The following LMBRD1 variants were observed in gnomAD, a reference collection of about 807,000 sequenced individuals.
The protein encoded by LMBRD1 is LMBR1 domain containing 1.
LMBRD1 carries 64 observed loss-of-function variants against 74.8 expected under a neutral mutation model. That is an observed-to-expected ratio of 0.86 (90% CI 0.70 to 1.05). The LOEUF (loss-of-function observed/expected upper bound fraction) is 1.05. Among genes scored for constraint, LMBRD1 ranks in the 50% least tolerant of loss-of-function variants. LMBRD1 has a pLI of 0.00. For missense variants in LMBRD1, 652 were observed against 645.9 expected, an observed-to-expected ratio of 1.01 and a Z score of -0.10; for synonymous variants, 204 against 216.3, an observed-to-expected ratio of 0.94 and a Z score of 0.50.
chr6:69,705,454 C>T (rs771368376), intron 9 of LMBRD1: 29 of 1,326,360 alleles, frequency 2.2e-5, no homozygotes, highest in Non-Finnish European at 3.1e-5. Context: ...GAACTAGGTC[C>T]TTTTGGTGTT....
At chr6:69,780,637 T>C in intron 2 of LMBRD1, 83 bp from the exon 3 acceptor site, 1 of 956,056 alleles carries the variant, frequency 1.0e-6, no homozygotes, top group Non-Finnish European at 1.7e-6. Context: ...TACGACTGAA[T>C]ATCACTTCCA....
chr6:69,707,969 A>G (rs1766298223), intron 9 of LMBRD1, among the ~76,000 whole-genome samples: 1 of 152,220 alleles, frequency 6.6e-6, no homozygotes, highest in Non-Finnish European at 1.5e-5. Context: ...AGACTGAGGC[A>G]TATATATTTT....
intron 3 of LMBRD1, among the ~76,000 whole-genome samples, chr6:69,773,828 T>C (rs1765626353): frequency 1.3e-5 from 2 of 152,178 alleles, no homozygotes; most frequent in Non-Finnish European, 1.5e-5. Context: ...TCATCAACAC[T>C]AGCATGGATA....
At chr6:69,732,471 A>G (rs1263808682) in intron 7 of LMBRD1, among the ~76,000 whole-genome samples, 1 of 152,164 alleles carries the variant, frequency 6.6e-6, no homozygotes, top group Non-Finnish European at 1.5e-5. Context: ...CATGAGAAAT[A>G]AATGTTTGTT....
chr6:69,788,572 C>G (rs142933632), intron 2 of LMBRD1, among the ~76,000 whole-genome samples: 1 of 151,148 alleles, frequency 6.6e-6, no homozygotes, highest in Non-Finnish European at 1.5e-5. Flanking sequence ...AGAAAATGAC[C>G]TCATAATGTT....
Position 69,790,360 on chromosome 6 carries a change from G to A in LMBRD1, c.182C>T (p.Ser61Leu), listed in dbSNP as rs1582168249. 2.5e-6 allele frequency: 4 copies of A among 1,613,514 alleles called. No homozygotes were observed. The highest frequency in any genetic ancestry group is 3.3e-4 in the Middle Eastern group (2 of 6,056). ...IFSLAIALIT[S>L]ALLPVDIFLV... ...AAATATATCCACTGGTAGAAGTGCT[G>A]ATGTGATAAGTGCAATTGCTAGAGA... The change falls in exon 2 of 16, where the codon TCA becomes TTA. Residue 61 changes from serine (S) to leucine (L), a missense_variant. Physicochemically the swap from Ser to Leu is moderately radical, Grantham distance 145 (BLOSUM62 -2). Around this residue, in one of 3 missense-constraint regions of LMBRD1, gnomAD observed 598 missense variants for 581.8 expected, o/e 1.03. Coordinates refer to ENST00000649934, the MANE Select transcript of LMBRD1 (RefSeq NM_018368.4).
At chr6:69,787,516 G>A (rs1239514804) in intron 2 of LMBRD1, among the ~76,000 whole-genome samples, 3 of 152,122 alleles carry the variant, frequency 2.0e-5, no homozygotes, top group Non-Finnish European at 4.4e-5. Flanking sequence ...AGGCCAAGAC[G>A]GGTGGATCAC....
At chr6:69,778,486 C>T (rs958827569) in intron 3 of LMBRD1, among the ~76,000 whole-genome samples, 5 of 152,142 alleles carry the variant, frequency 3.3e-5, no homozygotes, top group African/African-American at 7.2e-5. Flanking sequence ...AAGTCTTTTG[C>T]GAACTTAATT....
chr6:69,749,565 G>T (rs902421251), intron 4 of LMBRD1, among the ~76,000 whole-genome samples, 157 bp from the exon 5 acceptor site: 10 of 151,566 alleles, frequency 6.6e-5, no homozygotes, highest in Admixed American at 5.3e-4. Context: ...AAGAAAACAG[G>T]TATACTACAT....
chr6:69,690,366 C>T (rs184771428), intron 14 of LMBRD1, among the ~76,000 whole-genome samples: 2 of 152,138 alleles, frequency 1.3e-5, no homozygotes, highest in South Asian at 4.1e-4. Context: ...CTAAACTCTA[C>T]ATTCTCCCTC....
At chr6:69,712,361 T>G (rs868027497) in intron 9 of LMBRD1, among the ~76,000 whole-genome samples, 1 of 151,980 alleles carries the variant, frequency 6.6e-6, no homozygotes, top group African/African-American at 2.4e-5. Flanking sequence ...TAATTTTCCA[T>G]GTCAAATAAT....
chr6:69,708,189 C>A (rs1370140996), intron 9 of LMBRD1, among the ~76,000 whole-genome samples: 1 of 152,080 alleles, frequency 6.6e-6, no homozygotes, highest in Non-Finnish European at 1.5e-5. Flanking sequence ...TAATGAACAT[C>A]AGACTGTAGG....
rs1036231485 is a variant in LMBRD1 at position 69,719,713 on chromosome 6, T to C, written c.637-632A>G. ...TAATATAATCATTAATAATACTTAA[T>C]GGCATCTGCTACATAACCATTATTC... On this transcript the variant is annotated intron_variant, in intron 7 of 15. Transcript: ENST00000649934. Among the ~76,000 whole-genome samples the C allele has an allele frequency of 6.6e-5, 10 of 152,344 alleles. No homozygotes were observed. The South Asian group carries it at 8.3e-4, about 13-fold the overall frequency.
At chr6:69,795,337 G>A (rs1003482508) in intron 1 of LMBRD1, among the ~76,000 whole-genome samples, 7 of 151,970 alleles carry the variant, frequency 4.6e-5, no homozygotes, top group African/African-American at 1.7e-4. Context: ...CAATATTGTT[G>A]TCTATTCTCT....
Position 69,713,062 on chromosome 6 carries a change from A to G in LMBRD1, c.915+583T>C, listed in dbSNP as rs139383683. Among the ~76,000 whole-genome samples the G allele has an allele frequency of 4.8e-3, 726 of 152,286 alleles. 8 individuals are homozygous for G. The highest frequency in any genetic ancestry group is 0.017 in the Middle Eastern group (5 of 294). Reference sequence around the variant, plus strand: ...CATAAAAGTGGGAGGAAACACCAGTATGGTAAAGCATGAAAACAAAAATGT... The same window carrying G: ...CATAAAAGTGGGAGGAAACACCAGTGTGGTAAAGCATGAAAACAAAAATGT... On this transcript the variant is annotated intron_variant, in intron 9 of 15. Transcript: ENST00000649934.
At chr6:69,685,845 C>T (rs902697441) in intron 14 of LMBRD1, among the ~76,000 whole-genome samples, 5 of 151,948 alleles carry the variant, frequency 3.3e-5, no homozygotes, top group African/African-American at 1.2e-4. Flanking sequence ...TTTGCAATCT[C>T]GGTTTCACAA....
intron 13 of LMBRD1, among the ~76,000 whole-genome samples, chr6:69,698,010 T>C (rs1436704854): frequency 2.0e-5 from 3 of 151,998 alleles, no homozygotes; most frequent in African/African-American, 7.2e-5. Flanking sequence ...CACAGAAGGA[T>C]GTTTAATAAG....
intron 3 of LMBRD1, among the ~76,000 whole-genome samples, chr6:69,764,859 T>C (rs1765446072): frequency 6.6e-6 from 1 of 152,122 alleles, no homozygotes; most frequent in African/African-American, 2.4e-5. Context: ...GAATCATGCT[T>C]TTGGTGCCAT....
chr6:69,684,862 A>T (rs945065576), intron 14 of LMBRD1, among the ~76,000 whole-genome samples: 2 of 152,188 alleles, frequency 1.3e-5, no homozygotes, highest in Non-Finnish European at 2.9e-5. Flanking sequence ...AAAGTGAGCA[A>T]GAAGCTAGAA....
Sources: gnomAD v4.1 joint callset for allele counts (sites outside exome capture counted in the v4.1 genomes callset) on GRCh38, gnomAD v4.1.1 for gene constraint, gnomAD v4.1.1 regional missense constraint, MANE v1.5 for transcripts, NCBI Gene and HGNC (gene_info 2026-07-23, HGNC 2026-07-21) for gene names.